Variants in HS6ST3 observed in about 807,000 individuals in gnomAD.
HS6ST3 encodes the protein heparan-sulfate 6-O-sulfotransferase 3.
HS6ST3 carries 12 observed loss-of-function variants against 36.7 expected under a neutral mutation model. That is an observed-to-expected ratio of 0.33 (90% confidence interval 0.21 to 0.53). HS6ST3 has a LOEUF of 0.53. Among genes scored for constraint, HS6ST3 ranks in the 20% least tolerant of loss-of-function variants. HS6ST3 has a pLI of 0.95. For missense variants in HS6ST3, 584 were observed against 640.9 expected, an observed-to-expected ratio of 0.91 and a Z score of 0.96; for synonymous variants, 240 against 257.5, an observed-to-expected ratio of 0.93 and a Z score of 0.65.
intron 1 of HS6ST3, among the ~76,000 whole-genome samples, chr13:96,503,803 A>G (rs374956564): frequency 6.6e-6 from 1 of 152,194 alleles, no homozygotes. Flanking sequence ...TTGGGCAGCC[A>G]TAGCAAAACA....
At chr13:96,637,344 A>G (rs764724229) in intron 1 of HS6ST3, among the ~76,000 whole-genome samples, 9 of 152,164 alleles carry the variant, frequency 5.9e-5, no homozygotes, top group Non-Finnish European at 1.3e-4. Context: ...GTGGGTACAG[A>G]AAGATTTCAT....
chr13:96,744,312 A>G (rs530769079), intron 1 of HS6ST3, among the ~76,000 whole-genome samples: 1 of 152,102 alleles, frequency 6.6e-6, no homozygotes, highest in African/African-American at 2.4e-5. Flanking sequence ...AGAAAACCAT[A>G]AAGAAAATAA....
At chr13:96,327,344 A>G (rs150686530) in intron 1 of HS6ST3, among the ~76,000 whole-genome samples, 2,058 of 152,040 alleles carry the variant, frequency 0.014, 45 homozygotes, top group African/African-American at 0.047. Flanking sequence ...TCCATCTTCA[A>G]TTGATTTTTG....
At position 96,363,334 on chromosome 13, in the gene HS6ST3, A is replaced by G. The variant is rs145476746; in HGVS notation, c.707+271765A>G. Among the ~76,000 whole-genome samples the G allele has an allele frequency of 8.7e-4, 131 of 151,264 alleles. 2 individuals are homozygous for G. Among genetic ancestry groups the G allele is most frequent in the African/African-American group, 3.0e-3 (124 of 41,094 alleles). ...ATTCTGTGAGTCTATAGTGATTTCA[A>G]AATTTAAAGTTTAAAGCAAAGAAGT... On this transcript the variant is annotated intron_variant, in intron 1 of 1. Transcript: ENST00000376705.
At chr13:96,534,525 G>C (rs1432121003) in intron 1 of HS6ST3, among the ~76,000 whole-genome samples, 1 of 152,166 alleles carries the variant, frequency 6.6e-6, no homozygotes, top group Non-Finnish European at 1.5e-5. Context: ...GCCTCCATAC[G>C]TGAAGAATCA....
intron 1 of HS6ST3, among the ~76,000 whole-genome samples, chr13:96,702,511 C>T (rs1875315821): frequency 6.6e-6 from 1 of 152,212 alleles, no homozygotes; most frequent in African/African-American, 2.4e-5. Flanking sequence ...GCCATGCTTT[C>T]AAAGTCTAAT....
chr13:96,816,139 A>T (rs1878418636), intron 1 of HS6ST3, among the ~76,000 whole-genome samples: 1 of 152,252 alleles, frequency 6.6e-6, no homozygotes, highest in Non-Finnish European at 1.5e-5. Context: ...GCTGGAAAGC[A>T]CAAAGGTGAC....
intron 1 of HS6ST3, among the ~76,000 whole-genome samples, chr13:96,765,632 T>TCTC (rs1877094408): frequency 7.3e-6 from 1 of 137,814 alleles, no homozygotes; most frequent in Non-Finnish European, 1.6e-5. Context: ...CTCTCTCTGT[T>TCTC]TCTGTCTCTG....
intron 1 of HS6ST3, among the ~76,000 whole-genome samples, chr13:96,118,483 T>C (rs2053904395): frequency 6.6e-6 from 1 of 151,622 alleles, no homozygotes; most frequent in Non-Finnish European, 1.5e-5. Context: ...ATGGCAACCC[T>C]AGCAAACTGA....
intron 1 of HS6ST3, among the ~76,000 whole-genome samples, chr13:96,235,581 C>T (rs952105671): frequency 6.6e-6 from 1 of 151,844 alleles, no homozygotes; most frequent in Non-Finnish European, 1.5e-5. Flanking sequence ...ATAAAAAGGG[C>T]GTAGCATGGG....
intron 1 of HS6ST3, among the ~76,000 whole-genome samples, chr13:96,095,280 G>T (rs1047597123): frequency 6.6e-6 from 1 of 152,242 alleles, no homozygotes; most frequent in African/African-American, 2.4e-5. Flanking sequence ...AATATTGGCA[G>T]CCCTGTGTAG....
At chr13:96,318,207 A>C (rs112016547) in intron 1 of HS6ST3, among the ~76,000 whole-genome samples, 3,826 of 152,236 alleles carry the variant, frequency 0.025, 160 homozygotes, top group African/African-American at 0.088. Context: ...TCTTTAGTCC[A>C]TCTTCAGTTA....
chr13:96,558,536 A>G (rs1266035292), intron 1 of HS6ST3, among the ~76,000 whole-genome samples: 1 of 152,208 alleles, frequency 6.6e-6, no homozygotes. Flanking sequence ...CAAGGCATGT[A>G]ATAATGTTCT....
intron 1 of HS6ST3, among the ~76,000 whole-genome samples, chr13:96,102,658 T>C (rs117985699): frequency 0.026 from 4,015 of 152,334 alleles, 65 homozygotes; most frequent in Non-Finnish European, 0.034. Context: ...ATCAATATTG[T>C]GTATAAATTA....
At chr13:96,140,978 A>G (rs2054029270) in intron 1 of HS6ST3, among the ~76,000 whole-genome samples, 1 of 152,326 alleles carries the variant, frequency 6.6e-6, no homozygotes, top group Non-Finnish European at 1.5e-5. Context: ...TTTCCTGACA[A>G]GTTTCCAGAT....
chr13:96,568,488 A>AC (rs1247345941), intron 1 of HS6ST3, among the ~76,000 whole-genome samples: 3 of 151,768 alleles, frequency 2.0e-5, no homozygotes, highest in African/African-American at 7.3e-5. Context: ...GCTGGTCCTG[A>AC]CCTCGTGATC....
chr13:96,830,005 A>G (rs1878740266), intron 1 of HS6ST3, among the ~76,000 whole-genome samples: 1 of 152,000 alleles, frequency 6.6e-6, no homozygotes, highest in Admixed American at 6.6e-5. Context: ...TGAGAATACC[A>G]TAGGCATTCA....
intron 1 of HS6ST3, among the ~76,000 whole-genome samples, chr13:96,451,059 A>G (rs2055725433): frequency 1.3e-5 from 2 of 152,106 alleles, no homozygotes; most frequent in African/African-American, 4.8e-5. Flanking sequence ...AACTTTTTCC[A>G]TGTTTCATAG....
intron 1 of HS6ST3, among the ~76,000 whole-genome samples, chr13:96,164,085 T>A (rs1235200418): frequency 6.6e-6 from 1 of 152,108 alleles, no homozygotes; most frequent in Non-Finnish European, 1.5e-5. Context: ...TTCCCTATCT[T>A]GGGGGAAGAG....
Sources: gnomAD v4.1 joint callset for allele counts (sites outside exome capture counted in the v4.1 genomes callset) on GRCh38, gnomAD v4.1.1 for gene constraint, MANE v1.5 for transcripts, NCBI Gene and HGNC (gene_info 2026-07-23, HGNC 2026-07-21) for gene names.